PPP2R5A: variants seen among roughly 807,000 people sequenced by gnomAD.
PPP2R5A encodes serine/threonine-protein phosphatase 2A 56 kDa regulatory subunit alpha isoform.
PPP2R5A carries 25 observed loss-of-function variants against 64.2 expected under a neutral mutation model. The observed-to-expected ratio is 0.39, with a 90% CI of 0.28 to 0.54. The LOEUF (loss-of-function observed/expected upper bound fraction) is 0.54, where lower values mean the gene tolerates loss of function less well. PPP2R5A is among the 20% of genes least tolerant of loss of function. The pLI is 0.67. For synonymous variants in PPP2R5A, 198 were observed against 201.2 expected (o/e 0.98, Z 0.13); for missense variants, 425 against 576.3 (o/e 0.74, Z 2.69).
At position 212,286,197 on chromosome 1, in the gene PPP2R5A, C is replaced by T; in HGVS notation, c.87C>T (p.Val29=). 1 of 1,584,078 alleles carries T rather than the reference C, an allele frequency of 6.3e-7. No individual in the cohort carries two copies. The highest frequency in any genetic ancestry group is 2.3e-5 in the East Asian group (1 of 42,988). ...TGGACGGCTTCACCCGGAAATCGGT[C>T]CGCAAGGCGCAGAGGCAGAAGCGCT... is the stretch of plus-strand genomic sequence containing the variant. ...EKVDGFTRKS[V]RKAQRQKRSQ... Residue 29 remains valine, a synonymous_variant, in exon 1 of 13, where the codon GTC becomes GTT. Transcript: ENST00000261461.
chr1:212,336,052 C>G (rs981893880), intron 3 of PPP2R5A, among the ~76,000 whole-genome samples: 1 of 152,096 alleles, frequency 6.6e-6, no homozygotes, highest in African/African-American at 2.4e-5. Context: ...TCCCTGAAAC[C>G]AGTGGTTCTT....
chr1:212,302,515 A>G (rs1658816051), intron 1 of PPP2R5A, among the ~76,000 whole-genome samples: 1 of 152,182 alleles, frequency 6.6e-6, no homozygotes, highest in Non-Finnish European at 1.5e-5. Flanking sequence ...TGATCTTTAA[A>G]CTTTTAGTGT....
intron 2 of PPP2R5A, among the ~76,000 whole-genome samples, chr1:212,329,976 A>G (rs535776700): frequency 6.6e-6 from 1 of 152,132 alleles, no homozygotes; most frequent in African/African-American, 2.4e-5. Flanking sequence ...GAAAGGGAAG[A>G]CCATTGAAAG....
At chr1:212,307,523 C>T (rs1658941494) in intron 1 of PPP2R5A, among the ~76,000 whole-genome samples, 1 of 152,116 alleles carries the variant, frequency 6.6e-6, no homozygotes, top group Non-Finnish European at 1.5e-5. Context: ...CCCACCTCCT[C>T]CTTTGTGCTG....
At chr1:212,359,162 T>G (rs1216674022) in intron 12 of PPP2R5A, among the ~76,000 whole-genome samples, 1 of 152,238 alleles carries the variant, frequency 6.6e-6, no homozygotes, top group Non-Finnish European at 1.5e-5. Context: ...ATGCTGAATT[T>G]TAAATATCAA....
At chr1:212,358,989 T>C (rs1660034407) in intron 12 of PPP2R5A, among the ~76,000 whole-genome samples, 1 of 152,188 alleles carries the variant, frequency 6.6e-6, no homozygotes, top group South Asian at 2.1e-4. Context: ...ATAAATTTGT[T>C]AAAGCAGAAA....
chr1:212,314,996 C>T (rs1478537341), intron 1 of PPP2R5A, among the ~76,000 whole-genome samples: 1 of 152,180 alleles, frequency 6.6e-6, no homozygotes, highest in East Asian at 1.9e-4. Context: ...CATAAGCCAC[C>T]ACGCCCAGCC....
chr1:212,356,743 GCTT>G, intron 9 of PPP2R5A, 67 bp downstream of exon 9: 1 of 1,512,640 alleles, frequency 6.6e-7, no homozygotes. Context: ...TATAAACCAT[GCTT>G]CTTTGGGCTG....
intron 1 of PPP2R5A, among the ~76,000 whole-genome samples, chr1:212,328,560 A>G (rs1323383099): frequency 2.6e-5 from 4 of 152,180 alleles, no homozygotes; most frequent in African/African-American, 7.2e-5. Flanking sequence ...GAACTTTATT[A>G]TTTAATTATT....
In PPP2R5A at chr1:212,329,340, C is replaced by G. The variant is rs1404291046; in HGVS notation, c.378+9C>G. 8 of 1,528,256 alleles carry G rather than the reference C, an allele frequency of 5.2e-6. No individual in the cohort carries two copies. The highest frequency in any genetic ancestry group is 6.2e-6 in the Non-Finnish European group (7 of 1,135,398). The allele number at this position is 1,528,256 out of a possible 1,614,324, so 94.7% of individuals were successfully genotyped here. ...CTGATATAGTAAAAATGGTAAGCCT[C>G]TAGAATTATGTTCCTCAGATTTATG... On this transcript the variant is annotated intron_variant, in intron 2 of 12. Transcript: ENST00000261461.
chr1:212,328,121 T>C (rs1303139908), intron 1 of PPP2R5A, among the ~76,000 whole-genome samples: 1 of 152,220 alleles, frequency 6.6e-6, no homozygotes, highest in African/African-American at 2.4e-5. Flanking sequence ...AGCCGTTGGT[T>C]CCTGCTTTTA....
intron 1 of PPP2R5A, chr1:212,313,637 C>CATA (rs1239195501): frequency 6.6e-6 from 1 of 151,356 alleles, no homozygotes; most frequent in African/African-American, 2.4e-5. Flanking sequence ...ATATGAGTAG[C>CATA]TGGAATAATT....
chr1:212,347,069 TATTA>T (rs1659794416), intron 5 of PPP2R5A, among the ~76,000 whole-genome samples: 1 of 152,156 alleles, frequency 6.6e-6, no homozygotes, highest in Non-Finnish European at 1.5e-5. Context: ...TTATCTTTCT[TATTA>T]ATTATTAAGT....
intron 2 of PPP2R5A, among the ~76,000 whole-genome samples, chr1:212,332,322 C>G (rs1659518561): frequency 6.6e-6 from 1 of 152,146 alleles, no homozygotes; most frequent in Admixed American, 6.6e-5. Flanking sequence ...TGTCCTCTAC[C>G]TCTGGAATAG....
chr1:212,350,627 C>G (rs1010680751), intron 8 of PPP2R5A, among the ~76,000 whole-genome samples: 1 of 151,174 alleles, frequency 6.6e-6, no homozygotes, highest in Non-Finnish European at 1.5e-5. Flanking sequence ...GCACTCCAGC[C>G]TGGGCAACAG....
intron 1 of PPP2R5A, among the ~76,000 whole-genome samples, chr1:212,311,125 C>T (rs911740605): frequency 2.0e-5 from 3 of 152,226 alleles, no homozygotes; most frequent in Middle Eastern, 3.4e-3. Flanking sequence ...AGGCATGACT[C>T]ACATGTTTAT....
At chr1:212,302,993 C>T (rs1658826379) in intron 1 of PPP2R5A, among the ~76,000 whole-genome samples, 1 of 152,174 alleles carries the variant, frequency 6.6e-6, no homozygotes, top group Non-Finnish European at 1.5e-5. Flanking sequence ...ATCCATTCCT[C>T]ACTCGATGGA....
Position 212,342,298 on chromosome 1 carries a change from C to T in PPP2R5A, c.573+18C>T. Reference sequence around the variant, plus strand: ...TACAACAGGTAAGGAACTCTTTTGTCTTAGATTCTCATATATTCATCTTAG... The same window carrying T: ...TACAACAGGTAAGGAACTCTTTTGTTTTAGATTCTCATATATTCATCTTAG... On this transcript the variant is annotated intron_variant, in intron 4 of 12. Coordinates refer to ENST00000261461, the MANE Select transcript of PPP2R5A (RefSeq NM_006243.4). The T allele has an allele frequency of 1.2e-6, 2 of 1,606,990 alleles. No individual in the cohort carries two copies. The highest frequency in any genetic ancestry group is 2.2e-5 in the East Asian group (1 of 44,682).
chr1:212,305,280 C>T (rs977386010), intron 1 of PPP2R5A, among the ~76,000 whole-genome samples: 3 of 152,228 alleles, frequency 2.0e-5, no homozygotes, highest in African/African-American at 7.2e-5. Flanking sequence ...TTGTGATCCT[C>T]CCAAAGTGCT....
Sources: allele counts gnomAD v4.1 joint callset (sites outside exome capture counted in the v4.1 genomes callset), GRCh38; gene constraint gnomAD v4.1.1; transcripts MANE v1.5; gene names NCBI Gene and HGNC (gene_info 2026-07-23, HGNC 2026-07-21).